The following RBMS3 variants were observed in gnomAD, a reference collection of about 807,000 sequenced individuals.
RBMS3 encodes the protein RNA binding motif single stranded interacting protein 3, also known as RNA-binding motif, single-stranded-interacting protein 3.
RBMS3 carries 27 observed loss-of-function variants against 66.8 expected under a neutral mutation model. The ratio of observed to expected loss-of-function variants is 0.40; its 90% CI spans 0.30 to 0.56. RBMS3 has a LOEUF of 0.56. Ranked by LOEUF, RBMS3 falls within the 20% of genes least tolerant of loss-of-function variation. The pLI is 0.40. For missense variants in RBMS3, 513 were observed against 549.5 expected, an observed-to-expected ratio of 0.93 and a Z score of 0.66; for synonymous variants, 188 against 183.0, an observed-to-expected ratio of 1.03 and a Z score of -0.22.
intron 11 of RBMS3, among the ~76,000 whole-genome samples, chr3:29,937,198 G>T (rs932240916): frequency 2.6e-5 from 4 of 151,946 alleles, no homozygotes; most frequent in Admixed American, 2.6e-4. Context: ...AATATCTCTA[G>T]TCTGAATTTT....
chr3:29,314,258 C>T (rs559188649), intron 1 of RBMS3, among the ~76,000 whole-genome samples: 1 of 151,886 alleles, frequency 6.6e-6, no homozygotes, highest in African/African-American at 2.4e-5. Context: ...AATCCTTGAA[C>T]TTATCAGCCA....
chr3:29,703,577 T>G (rs2052732438), intron 4 of RBMS3, among the ~76,000 whole-genome samples: 1 of 152,188 alleles, frequency 6.6e-6, no homozygotes, highest in African/African-American at 2.4e-5. Flanking sequence ...AGGTCTAAAG[T>G]TCTACCCTGG....
chr3:29,592,823 C>G (rs896115841), intron 4 of RBMS3, among the ~76,000 whole-genome samples: 8 of 151,898 alleles, frequency 5.3e-5, no homozygotes, highest in African/African-American at 1.9e-4. Context: ...GAATACTATG[C>G]AGCCATAAAA....
chr3:29,980,465 T>C (rs888824362), intron 12 of RBMS3, among the ~76,000 whole-genome samples: 3 of 152,224 alleles, frequency 2.0e-5, no homozygotes, highest in Admixed American at 1.3e-4. Context: ...TTTTGGCTTT[T>C]GTTGCCATTG....
chr3:29,472,585 G>A (rs532110195), intron 2 of RBMS3, among the ~76,000 whole-genome samples: 177 of 152,160 alleles, frequency 1.2e-3, no homozygotes, highest in African/African-American at 4.1e-3. Context: ...TGTGTTCGGA[G>A]TTTCTTCCTT....
chr3:29,470,581 A>C (rs2042691040), intron 2 of RBMS3, among the ~76,000 whole-genome samples: 2 of 152,026 alleles, frequency 1.3e-5, no homozygotes, highest in African/African-American at 4.8e-5. Flanking sequence ...CATGTAATTT[A>C]CAGAAGGAGG....
At chr3:29,330,060 A>T (rs564129840) in intron 1 of RBMS3, among the ~76,000 whole-genome samples, 1 of 152,080 alleles carries the variant, frequency 6.6e-6, no homozygotes, top group East Asian at 1.9e-4. Context: ...CTATGACATC[A>T]CTAGGGACTA....
intron 10 of RBMS3, among the ~76,000 whole-genome samples, chr3:29,930,403 C>A (rs893939347): frequency 6.6e-6 from 1 of 151,804 alleles, no homozygotes; most frequent in African/African-American, 2.4e-5. Flanking sequence ...TGAGCCACTG[C>A]GCCCGGCCTA....
At chr3:29,509,965 CA>C (rs1205409264) in intron 3 of RBMS3, among the ~76,000 whole-genome samples, 11 of 152,188 alleles carry the variant, frequency 7.2e-5, no homozygotes, top group African/African-American at 2.7e-4. Context: ...CTCAGATTCT[CA>C]ATTCATGGTT....
intron 1 of RBMS3, among the ~76,000 whole-genome samples, chr3:29,348,408 G>T (rs943494281): frequency 6.6e-6 from 1 of 152,092 alleles, no homozygotes. Context: ...GCTATAAAAT[G>T]CTACATTGTT....
intron 1 of RBMS3, among the ~76,000 whole-genome samples, chr3:29,339,913 T>A (rs1311927281): frequency 2.0e-5 from 3 of 152,098 alleles, no homozygotes; most frequent in African/African-American, 7.2e-5. Flanking sequence ...TTTTGTTGCC[T>A]GCAGGTAGGA....
intron 1 of RBMS3, among the ~76,000 whole-genome samples, chr3:29,331,609 T>C (rs2035657133): frequency 6.6e-6 from 1 of 152,116 alleles, no homozygotes; most frequent in Admixed American, 6.6e-5. Flanking sequence ...CATTCCTTTT[T>C]CTGTGATCCA....
At chr3:29,785,486 A>T (rs1032070066) in intron 6 of RBMS3, among the ~76,000 whole-genome samples, 1 of 152,102 alleles carries the variant, frequency 6.6e-6, no homozygotes, top group Non-Finnish European at 1.5e-5. Context: ...AAGCAAGACT[A>T]AGCAAAAAGA....
At chr3:29,797,048 C>T (rs2057224690) in intron 6 of RBMS3, among the ~76,000 whole-genome samples, 1 of 152,046 alleles carries the variant, frequency 6.6e-6, no homozygotes, top group Admixed American at 6.6e-5. Context: ...CCATTAGCCC[C>T]TAATGAGACA....
In RBMS3 at chr3:29,654,764, G is replaced by GT. The variant is rs11294119; in HGVS notation, c.399+67573dup. On this transcript the variant is annotated intron_variant, in intron 4 of 14. Transcript: ENST00000383767. ...ATCACCATGCCCAGTTAATTTTTGC[G>GT]TTTTTTTTTTTTTTGTAGAGACAGA... Among the ~76,000 whole-genome samples, 744 of 138,816 alleles carry GT rather than the reference G, an allele frequency of 5.4e-3. 5 individuals carry two copies. The highest frequency in any genetic ancestry group is 0.018 in the Middle Eastern group (5 of 272). The allele number at this position is 138,816 out of a possible 152,430, so 91.1% of individuals were successfully genotyped here.
intron 10 of RBMS3, among the ~76,000 whole-genome samples, chr3:29,925,866 A>C (rs2149667478): frequency 6.6e-6 from 1 of 152,324 alleles, no homozygotes; most frequent in Admixed American, 6.5e-5. Context: ...TAAACTAAAA[A>C]AAATGTTAAA....
At chr3:29,286,415 G>A (rs561296868) in intron 1 of RBMS3, among the ~76,000 whole-genome samples, 1 of 151,806 alleles carries the variant, frequency 6.6e-6, no homozygotes, top group Non-Finnish European at 1.5e-5. Flanking sequence ...ACTGAGTTTG[G>A]TGCCTACTTA....
intron 1 of RBMS3, among the ~76,000 whole-genome samples, chr3:29,390,658 C>T (rs911928653): frequency 1.3e-5 from 2 of 152,180 alleles, no homozygotes; most frequent in African/African-American, 4.8e-5. Context: ...TTCTGAGAAA[C>T]ACTGCAGTAA....
At chr3:29,694,329 C>G (rs2052168305) in intron 4 of RBMS3, among the ~76,000 whole-genome samples, 1 of 152,204 alleles carries the variant, frequency 6.6e-6, no homozygotes, top group Non-Finnish European at 1.5e-5. Context: ...CAAAATCATT[C>G]ATGGAAGCCT....
Sources: gnomAD v4.1 joint callset for allele counts (sites outside exome capture counted in the v4.1 genomes callset) on GRCh38, gnomAD v4.1.1 for gene constraint, MANE v1.5 for transcripts, NCBI Gene and HGNC (gene_info 2026-07-23, HGNC 2026-07-21) for gene names.